CNTNAP2: variants seen among roughly 807,000 people sequenced by gnomAD.
CNTNAP2 encodes the protein contactin-associated protein-like 2.
A neutral mutation model predicts 155.2 loss-of-function variants in CNTNAP2; 98 were observed. The ratio of observed to expected loss-of-function variants is 0.63; its 90% CI spans 0.54 to 0.75. The LOEUF is 0.75. Ranked by LOEUF, CNTNAP2 falls within the 30% of genes least tolerant of loss-of-function variation. The pLI is 0.00. For synonymous variants in CNTNAP2, 651 were observed against 631.2 expected (o/e 1.03, Z -0.47); for missense variants, 1,727 against 1,688.1 (o/e 1.02, Z -0.40).
At chr7:146,679,343 GTTTCTT>G (rs1800459615) in intron 1 of CNTNAP2, among the ~76,000 whole-genome samples, 1 of 75,290 alleles carries the variant, frequency 1.3e-5, no homozygotes, top group Admixed American at 1.2e-4. Context: ...ACATGATCTT[GTTTCTT>G]TTTTTTTTTT....
chr7:147,522,737 C>A (rs1584789491), intron 11 of CNTNAP2, among the ~76,000 whole-genome samples: 2 of 137,840 alleles, frequency 1.5e-5, no homozygotes, highest in Admixed American at 7.7e-5. Context: ...ATGCTGTGCC[C>A]ATACTCAAAC....
intron 11 of CNTNAP2, among the ~76,000 whole-genome samples, chr7:147,557,229 A>T (rs756867281): frequency 1.2e-4 from 18 of 151,912 alleles, no homozygotes; most frequent in Non-Finnish European, 2.1e-4. Context: ...GCACCACTGC[A>T]CTCCAGCCTG....
At chr7:147,926,255 A>G (rs940016953) in intron 14 of CNTNAP2, among the ~76,000 whole-genome samples, 5 of 152,220 alleles carry the variant, frequency 3.3e-5, no homozygotes, top group Non-Finnish European at 5.9e-5. Context: ...CTCATCCTCC[A>G]TGATGGACCT....
At chr7:146,688,629 G>A (rs1800644335) in intron 1 of CNTNAP2, among the ~76,000 whole-genome samples, 1 of 152,048 alleles carries the variant, frequency 6.6e-6, no homozygotes, top group Non-Finnish European at 1.5e-5. Flanking sequence ...AAATCACAAT[G>A]GTGGAATGTC....
chr7:147,314,181 G>T (rs1433007597), intron 9 of CNTNAP2, among the ~76,000 whole-genome samples: 1 of 152,108 alleles, frequency 6.6e-6, no homozygotes, highest in East Asian at 1.9e-4. Flanking sequence ...CCTAAAAATG[G>T]TTGAATATCT....
At chr7:146,470,326 T>C (rs1796778475) in intron 1 of CNTNAP2, among the ~76,000 whole-genome samples, 1 of 152,172 alleles carries the variant, frequency 6.6e-6, no homozygotes, top group Non-Finnish European at 1.5e-5. Context: ...GAATAGAAGA[T>C]GAGTTCACAA....
At chr7:148,359,039 TAATATGG>T (rs1798571499) in intron 21 of CNTNAP2, among the ~76,000 whole-genome samples, 1 of 152,242 alleles carries the variant, frequency 6.6e-6, no homozygotes, top group South Asian at 2.1e-4. Flanking sequence ...TATGAGATTA[TAATATGG>T]TTACTTTTAC....
intron 13 of CNTNAP2, among the ~76,000 whole-genome samples, chr7:147,670,121 T>C (rs1469668636): frequency 1.3e-5 from 2 of 152,248 alleles, no homozygotes; most frequent in Non-Finnish European, 2.9e-5. Context: ...TGTGGGGTAA[T>C]GTGTTCCACA....
rs531291737 is a variant in CNTNAP2 at position 147,929,066 on chromosome 7, G to A, written c.2255+25345G>A. ...GAGACTGCGCCGTTGCACTCCAGCCGGGGCAACAAGAACGAAACTCCATCC... is the reference window on the plus strand; with the variant it reads ...GAGACTGCGCCGTTGCACTCCAGCCAGGGCAACAAGAACGAAACTCCATCC... On this transcript the variant is annotated intron_variant, in intron 14 of 23. Coordinates refer to ENST00000361727, the MANE Select transcript of CNTNAP2 (RefSeq NM_014141.6). 1.5e-3 allele frequency among the ~76,000 whole-genome samples: 192 copies of A among 127,254 alleles called. No individual in the cohort carries two copies. The Middle Eastern group carries it at 0.034, about 22-fold the overall frequency. The allele number at this position is 127,254 out of a possible 152,430, so 83.5% of individuals were successfully genotyped here.
At chr7:148,074,671 G>A (rs10261783) in intron 15 of CNTNAP2, among the ~76,000 whole-genome samples, 5,316 of 149,618 alleles carry the variant, frequency 0.036, 305 homozygotes, top group East Asian at 0.28. Context: ...CGGGGCAAAA[G>A]AGCAAGACTG....
intron 21 of CNTNAP2, among the ~76,000 whole-genome samples, chr7:148,287,752 G>T (rs1919693): frequency 0.7 from 105,583 of 150,388 alleles, 37,304 homozygotes; most frequent in South Asian, 0.81. Flanking sequence ...GGCAAGACCA[G>T]GTCAACTCAG....
At chr7:147,063,693 A>G (rs758175523) in intron 4 of CNTNAP2, among the ~76,000 whole-genome samples, 1 of 152,156 alleles carries the variant, frequency 6.6e-6, no homozygotes, top group Non-Finnish European at 1.5e-5. Context: ...AAATGACTTA[A>G]AAACAGTTAT....
chr7:147,529,463 T>A (rs1383196447), intron 11 of CNTNAP2, among the ~76,000 whole-genome samples: 1 of 152,192 alleles, frequency 6.6e-6, no homozygotes, highest in Non-Finnish European at 1.5e-5. Flanking sequence ...CTGGCTATGA[T>A]CATGAGGCTA....
chr7:147,607,296 T>G (rs1037360254), intron 12 of CNTNAP2, among the ~76,000 whole-genome samples: 1 of 152,034 alleles, frequency 6.6e-6, no homozygotes, highest in African/African-American at 2.4e-5. Context: ...GAGACTTTGG[T>G]TCACCTTTAG....
At chr7:146,435,452 T>G (rs1280360538) in intron 1 of CNTNAP2, among the ~76,000 whole-genome samples, 1 of 152,204 alleles carries the variant, frequency 6.6e-6, no homozygotes, top group Non-Finnish European at 1.5e-5. Flanking sequence ...TGTGTGCCTT[T>G]GTAAGCGTAG....
chr7:147,739,322 C>T (rs1796916757), intron 13 of CNTNAP2, among the ~76,000 whole-genome samples: 1 of 152,034 alleles, frequency 6.6e-6, no homozygotes, highest in Non-Finnish European at 1.5e-5. Context: ...TCTCAATGCC[C>T]TTCTTACTAT....
intron 23 of CNTNAP2, among the ~76,000 whole-genome samples, chr7:148,412,275 T>C (rs1368895528): frequency 6.6e-6 from 1 of 152,216 alleles, no homozygotes; most frequent in East Asian, 1.9e-4. Context: ...AAATAAACAA[T>C]GTAAGTTCTC....
chr7:146,431,794 A>G (rs1455600830), intron 1 of CNTNAP2, among the ~76,000 whole-genome samples: 1 of 152,096 alleles, frequency 6.6e-6, no homozygotes, highest in Non-Finnish European at 1.5e-5. Context: ...AAACTCAGAC[A>G]GCCTGGCTCT....
At chr7:147,867,333 G>C (rs1208538954) in intron 13 of CNTNAP2, among the ~76,000 whole-genome samples, 1 of 152,184 alleles carries the variant, frequency 6.6e-6, no homozygotes, top group Non-Finnish European at 1.5e-5. Context: ...TGTCTGATGG[G>C]CTTCCCTTTG....
Sources: gnomAD v4.1 joint callset for allele counts (sites outside exome capture counted in the v4.1 genomes callset) on GRCh38, gnomAD v4.1.1 for gene constraint, MANE v1.5 for transcripts, NCBI Gene and HGNC (gene_info 2026-07-23, HGNC 2026-07-21) for gene names.